SMIM13: variants seen among roughly 807,000 people sequenced by gnomAD.
SMIM13 encodes the protein small integral membrane protein 13.
A neutral mutation model predicts 5.9 loss-of-function variants in SMIM13; 3 were observed. The ratio of observed to expected loss-of-function variants is 0.51; its 90% CI spans 0.23 to 1.31. The LOEUF is 1.31. Ranked by LOEUF, SMIM13 falls within the 40% of genes most tolerant of loss-of-function variation. The probability of loss-of-function intolerance (pLI) is 0.18; values close to 1 mark genes in which losing one functional copy is unlikely to be tolerated. For synonymous variants in SMIM13, 55 were observed against 46.0 expected, an observed-to-expected ratio of 1.19 and a Z score of -0.79; for missense variants, 85 against 109.9, an observed-to-expected ratio of 0.77 and a Z score of 1.01.
chr6:11,108,420 G>A (rs1034333310), intron 1 of SMIM13, among the ~76,000 whole-genome samples: 21 of 152,202 alleles, frequency 1.4e-4, no homozygotes, highest in Non-Finnish European at 2.5e-4. Context: ...TCATCCAGTT[G>A]GGATGTCCTG....
intron 1 of SMIM13, among the ~76,000 whole-genome samples, chr6:11,097,021 A>G (rs577990257): frequency 6.6e-6 from 1 of 152,298 alleles, no homozygotes; most frequent in Admixed American, 6.5e-5. Context: ...TATTTTTAGT[A>G]GAGATGCGGT....
In SMIM13 at chr6:11,134,695, A is replaced by T; in HGVS notation, c.*93A>T. 9.8e-7 allele frequency: 1 copy of T among 1,015,780 alleles called. No homozygotes were observed. 62.9% of individuals were successfully genotyped at this position (1,015,780 alleles called of 1,614,324 possible). A position where few individuals can be genotyped will look rare whatever the true frequency, so the allele number is the denominator to read the frequency against. On this transcript the variant is annotated 3_prime_UTR_variant, in exon 2 of 2. Coordinates refer to ENST00000416247, the MANE Select transcript of SMIM13 (RefSeq NM_001135575.2). ...TTACTAATGACTGAAGAACATTTGT[A>T]TTGGATTTTAAGTCGAATTTTAAAA...
chr6:11,134,311 A>G, intron 1 of SMIM13, 92 bp from the exon 2 acceptor site: 2 of 816,624 alleles, frequency 2.4e-6, no homozygotes, highest in Non-Finnish European at 3.8e-6. Context: ...TTTATATAGT[A>G]TTTTGTAATA....
At chr6:11,117,836 G>A (rs886516419) in intron 1 of SMIM13, among the ~76,000 whole-genome samples, 4 of 151,154 alleles carry the variant, frequency 2.6e-5, no homozygotes, top group African/African-American at 7.3e-5. Flanking sequence ...TGCGACCTCC[G>A]CCTCCCGGAT....
intron 1 of SMIM13, among the ~76,000 whole-genome samples, chr6:11,131,711 A>G (rs1758451657): frequency 6.6e-6 from 1 of 152,186 alleles, no homozygotes; most frequent in Non-Finnish European, 1.5e-5. Context: ...TGATCCTGGA[A>G]CAGCTTGATT....
intron 1 of SMIM13, among the ~76,000 whole-genome samples, chr6:11,131,439 C>G (rs1056627308): frequency 6.7e-5 from 10 of 148,420 alleles, no homozygotes; most frequent in African/African-American, 2.2e-4. Context: ...TAAGATGATT[C>G]TAAAATTCCC....
chr6:11,114,481 C>A (rs985189406), intron 1 of SMIM13, among the ~76,000 whole-genome samples: 18 of 150,382 alleles, frequency 1.2e-4, no homozygotes, highest in Non-Finnish European at 2.1e-4. Flanking sequence ...AGAAAACTTC[C>A]CCTCTGTTTC....
At chr6:11,124,491 C>CT (rs1342636666) in intron 1 of SMIM13, among the ~76,000 whole-genome samples, 6 of 152,038 alleles carry the variant, frequency 3.9e-5, no homozygotes, top group Non-Finnish European at 8.8e-5. Context: ...TATCGATTTC[C>CT]TTTTTTTAGG....
intron 1 of SMIM13, chr6:11,103,976 T>G: frequency 6.4e-7 from 1 of 1,551,728 alleles, no homozygotes; most frequent in East Asian, 2.4e-5. Flanking sequence ...GTACTTTTCC[T>G]GATTGATTTA....
intron 1 of SMIM13, among the ~76,000 whole-genome samples, chr6:11,118,560 A>G (rs1002637372): frequency 6.6e-6 from 1 of 152,238 alleles, no homozygotes; most frequent in African/African-American, 2.4e-5. Context: ...TGTTTCTCAT[A>G]GGGAAGGTGG....
chr6:11,124,637 C>T (rs1417202435), intron 1 of SMIM13, among the ~76,000 whole-genome samples: 6 of 152,156 alleles, frequency 3.9e-5, no homozygotes, highest in African/African-American at 1.4e-4. Context: ...TCCACCAGCA[C>T]TGTACAAGGG....
intron 1 of SMIM13, among the ~76,000 whole-genome samples, chr6:11,114,743 C>T (rs1306868279): frequency 1.3e-5 from 2 of 150,662 alleles, no homozygotes; most frequent in African/African-American, 2.5e-5. Context: ...GGATTACAGG[C>T]GTGTACCACC....
intron 1 of SMIM13, among the ~76,000 whole-genome samples, chr6:11,119,657 A>AAAC (rs2113659700): frequency 6.6e-6 from 1 of 152,106 alleles, no homozygotes; most frequent in Admixed American, 6.5e-5. Flanking sequence ...CCATCTCCAA[A>AAAC]AAAACAGAAA....
intron 1 of SMIM13, among the ~76,000 whole-genome samples, chr6:11,101,891 A>G (rs183172754): frequency 1.3e-3 from 203 of 152,088 alleles, no homozygotes; most frequent in African/African-American, 4.5e-3. Flanking sequence ...GGCATGCGCC[A>G]CCACACCCTG....
intron 1 of SMIM13, among the ~76,000 whole-genome samples, chr6:11,133,337 G>A (rs756248860): frequency 2.1e-4 from 32 of 152,122 alleles, no homozygotes; most frequent in South Asian, 8.3e-4. Flanking sequence ...TTAAATCTCC[G>A]AAGTTTGTCT....
intron 1 of SMIM13, among the ~76,000 whole-genome samples, chr6:11,121,959 G>T (rs1226485834): frequency 6.6e-6 from 1 of 152,156 alleles, no homozygotes; most frequent in Non-Finnish European, 1.5e-5. Flanking sequence ...GCATTAAGCT[G>T]CCTTTTCTCA....
At chr6:11,109,470 A>G (rs753302876) in intron 1 of SMIM13, among the ~76,000 whole-genome samples, 1 of 152,208 alleles carries the variant, frequency 6.6e-6, no homozygotes, top group South Asian at 2.1e-4. Context: ...ATGGGGCTTG[A>G]GCTCTGGGTA....
rs1758527332 is a variant in SMIM13 at position 11,137,213 on chromosome 6, C to G, written c.*2611C>G. On this transcript the variant is annotated 3_prime_UTR_variant, in exon 2 of 2. Coordinates refer to ENST00000416247, the MANE Select transcript of SMIM13 (RefSeq NM_001135575.2). ...AAGCATACTAGTTAGCTCTTAGACT[C>G]TCACTTAGGGAGGGTAAAGAAACAT... 1 of 152,110 alleles carries G rather than the reference C, an allele frequency of 6.6e-6. No homozygotes were observed. The highest frequency in any genetic ancestry group is 2.4e-5 in the African/African-American group (1 of 41,438). 9.4% of individuals were successfully genotyped at this position (152,110 alleles called of 1,614,324 possible).
At chr6:11,110,228 C>G (rs990148725) in intron 1 of SMIM13, among the ~76,000 whole-genome samples, 6 of 152,184 alleles carry the variant, frequency 3.9e-5, no homozygotes, top group Non-Finnish European at 8.8e-5. Flanking sequence ...CTACCCTGAT[C>G]CCATCCCATT....
Sources: gnomAD v4.1 joint callset for allele counts (sites outside exome capture counted in the v4.1 genomes callset) on GRCh38, gnomAD v4.1.1 for gene constraint, MANE v1.5 for transcripts, NCBI Gene and HGNC (gene_info 2026-07-23, HGNC 2026-07-21) for gene names.